Variants in FRMPD4 observed in about 807,000 individuals in gnomAD.
FRMPD4 encodes FERM and PDZ domain containing 4.
Under a neutral mutation model 94.1 loss-of-function variants are expected in FRMPD4, and 22 were observed. The observed-to-expected ratio is 0.23, with a 90% CI of 0.17 to 0.33. The LOEUF is 0.33. Among genes scored for constraint, FRMPD4 ranks in the 10% least tolerant of loss-of-function variants. FRMPD4 has a pLI of 1.00. For missense variants in FRMPD4, 1,111 were observed against 1,339.9 expected, an observed-to-expected ratio of 0.83 and a Z score of 2.67; for synonymous variants, 631 against 548.6, an observed-to-expected ratio of 1.15 and a Z score of -2.10.
rs1346801082 is a variant in FRMPD4 at position 12,099,454 on chromosome X, G to A, written c.95+221436G>A. On this transcript the variant is annotated intron_variant, in intron 3 of 18. Transcript: ENST00000640291. ...TTTGACAATACATTGGATGTTTGGGGCAAATCTCTAGGTTATCAAAGCCCA... is the reference window on the plus strand; with the variant it reads ...TTTGACAATACATTGGATGTTTGGGACAAATCTCTAGGTTATCAAAGCCCA... 2.7e-5 allele frequency among the ~76,000 whole-genome samples: 3 copies of A among 111,776 alleles called. No individual in the cohort carries two copies. The East Asian group carries it at 8.4e-4, about 31-fold the overall frequency.
At chrX:12,307,767 T>C (rs114175404) in intron 1 of FRMPD4, among the ~76,000 whole-genome samples, 5,428 of 111,832 alleles carry the variant, frequency 0.049, 317 homozygotes, top group African/African-American at 0.17. Context: ...TGCAATCATC[T>C]TGTGGAAGGG....
chrX:12,180,816 A>G (rs1361737955), intron 1 of FRMPD4, among the ~76,000 whole-genome samples: 4 of 112,078 alleles, frequency 3.6e-5, no homozygotes, highest in African/African-American at 1.3e-4. Context: ...TGTTCCAATA[A>G]AACTTTATTT....
chrX:12,576,772 G>A (rs954917238), intron 2 of FRMPD4, among the ~76,000 whole-genome samples: 25 of 112,112 alleles, frequency 2.2e-4, no homozygotes, highest in Non-Finnish European at 4.7e-4. Context: ...ATTATCTTTA[G>A]CACATTGTTT....
At chrX:12,095,692 T>G (rs184593860) in intron 3 of FRMPD4, among the ~76,000 whole-genome samples, 1 of 112,116 alleles carries the variant, frequency 8.9e-6, no homozygotes, top group East Asian at 2.8e-4. Flanking sequence ...ACCTCCCCTG[T>G]TGTCCAAGGA....
intron 1 of FRMPD4, among the ~76,000 whole-genome samples, chrX:12,203,145 C>A (rs1294402780): frequency 1.8e-5 from 2 of 111,706 alleles, no homozygotes; most frequent in South Asian, 3.8e-4. Flanking sequence ...GTATCCTGTG[C>A]CCTTATCTTG....
chrX:11,980,480 T>A (rs905901741), intron 3 of FRMPD4, among the ~76,000 whole-genome samples: 2 of 111,595 alleles, frequency 1.8e-5, no homozygotes, highest in African/African-American at 6.5e-5. Flanking sequence ...TTTCAACATA[T>A]GGGTTTCTGA....
chrX:12,041,161 G>A (rs2054752540), intron 3 of FRMPD4, among the ~76,000 whole-genome samples: 2 of 111,630 alleles, frequency 1.8e-5, no homozygotes, highest in African/African-American at 6.5e-5. Context: ...GCAATATAGT[G>A]TTATAATTGT....
chrX:12,554,519 G>GTT (rs763807343), intron 2 of FRMPD4, among the ~76,000 whole-genome samples: 34 of 112,267 alleles, frequency 3.0e-4, no homozygotes, highest in Non-Finnish European at 5.6e-4. Flanking sequence ...AGAAAATACA[G>GTT]TACATTGTGT....
chrX:12,477,869 A>C (rs1355856079), intron 1 of FRMPD4, among the ~76,000 whole-genome samples: 3 of 112,563 alleles, frequency 2.7e-5, no homozygotes, highest in African/African-American at 9.7e-5. Flanking sequence ...AGGAACTTAC[A>C]GTTTTGTTTT....
At chrX:12,140,696 G>A (rs1245237005) in intron 1 of FRMPD4, among the ~76,000 whole-genome samples, 2 of 112,275 alleles carry the variant, frequency 1.8e-5, no homozygotes, top group African/African-American at 6.5e-5. Context: ...TTAAACTTAG[G>A]AACTTTGGAG....
In FRMPD4 at chrX:12,512,993, A is replaced by G. The variant is rs139062235; in HGVS notation, c.158+14197A>G. ...TCAGTGATGTTGAGCTTTTCTTCAT[A>G]TATTTCTTGGCCACATAAATGTCTT... is the stretch of plus-strand genomic sequence containing the variant. On this transcript the variant is annotated intron_variant, in intron 2 of 16. Coordinates refer to ENST00000675598, the MANE Select transcript of FRMPD4 (RefSeq NM_001368397.1). Among the ~76,000 whole-genome samples, 48 of 112,302 alleles carry G rather than the reference A, an allele frequency of 4.3e-4. No homozygotes were observed. In the East Asian group the frequency reaches 8.1e-3, roughly 19 times the overall value.
At chrX:12,137,332 CT>C (rs1429252805), upstream of FRMPD4, among the ~76,000 whole-genome samples, 1 of 112,861 alleles carries the variant, frequency 8.9e-6, no homozygotes, top group Non-Finnish European at 1.9e-5. Flanking sequence ...CGCTTTAGTA[CT>C]AGGCTTGAAT....
intron 2 of FRMPD4, among the ~76,000 whole-genome samples, chrX:12,549,926 A>C (rs1055975560): frequency 8.9e-6 from 1 of 112,129 alleles, no homozygotes; most frequent in Non-Finnish European, 1.9e-5. Context: ...AGTTTTTAAA[A>C]CTAGTAGTAC....
chrX:11,848,766 C>T (rs868416212), intron 1 of FRMPD4, among the ~76,000 whole-genome samples: 10 of 111,098 alleles, frequency 9.0e-5, no homozygotes, highest in African/African-American at 3.3e-4. Flanking sequence ...TTCAGGCTCC[C>T]AGAGCCACTG....
intron 2 of FRMPD4, among the ~76,000 whole-genome samples, chrX:12,542,275 A>G (rs2058423046): frequency 8.9e-6 from 1 of 111,947 alleles, no homozygotes; most frequent in South Asian, 3.7e-4. Context: ...AGGGTATTCA[A>G]TTAGGAAACG....
intron 1 of FRMPD4, among the ~76,000 whole-genome samples, chrX:12,146,281 T>C (rs771668138): frequency 1.8e-5 from 2 of 110,702 alleles, no homozygotes; most frequent in Non-Finnish European, 3.8e-5. Flanking sequence ...GGAGAATAGC[T>C]TGAATCTGGG....
rs376111567 is a variant in FRMPD4, at chrX:12,687,368, A to G, written c.681+1164A>G. 8.6e-4 allele frequency among the ~76,000 whole-genome samples: 96 copies of G among 111,978 alleles called. 1 individual carries two copies. The South Asian group carries it at 0.036, about 42-fold the overall frequency. ...CTTCCCTTTTTCCTCATTCATTATC[A>G]ATTTGTGGTGAGATGTTAATATAAT... On this transcript the variant is annotated intron_variant, in intron 7 of 16. Transcript: ENST00000675598.
chrX:12,282,898 C>T (rs1159217021), intron 1 of FRMPD4, among the ~76,000 whole-genome samples: 1 of 111,482 alleles, frequency 9.0e-6, no homozygotes, highest in African/African-American at 3.3e-5. Flanking sequence ...TCTATACCTG[C>T]ACTGTTCAAT....
chrX:11,925,942 C>A (rs2054085063), intron 3 of FRMPD4, among the ~76,000 whole-genome samples: 1 of 111,079 alleles, frequency 9.0e-6, no homozygotes, highest in South Asian at 3.8e-4. Flanking sequence ...ACAAGACCAA[C>A]AAATCCAGGA....
Sources: allele counts gnomAD v4.1 joint callset (sites outside exome capture counted in the v4.1 genomes callset), GRCh38; gene constraint gnomAD v4.1.1; transcripts MANE v1.5; gene names NCBI Gene and HGNC (gene_info 2026-07-23, HGNC 2026-07-21).